Variants in ESRRG observed in about 807,000 individuals in gnomAD.
ESRRG encodes the protein estrogen related receptor gamma, also known as estrogen-related receptor gamma.
ESRRG carries 13 observed loss-of-function variants against 44.0 expected under a neutral mutation model. That is an observed-to-expected ratio of 0.30 (90% CI 0.19 to 0.47). ESRRG has a LOEUF of 0.47. Among genes scored for constraint, ESRRG ranks in the 20% least tolerant of loss-of-function variants. ESRRG has a pLI of 1.00. For missense variants in ESRRG, 395 were observed against 580.6 expected (o/e 0.68, Z 3.29); for synonymous variants, 215 against 214.6 (o/e 1.00, Z -0.02).
chr1:216,567,570 C>CAGTCAA (rs2059909340), intron 4 of ESRRG, among the ~76,000 whole-genome samples: 1 of 152,134 alleles, frequency 6.6e-6, no homozygotes, highest in Admixed American at 6.6e-5. Flanking sequence ...CAGTCAAATT[C>CAGTCAA]ATTTAGTTAG....
chr1:216,624,562 A>G (rs1331477932), intron 3 of ESRRG, among the ~76,000 whole-genome samples: 3 of 152,198 alleles, frequency 2.0e-5, no homozygotes, highest in Non-Finnish European at 4.4e-5. Flanking sequence ...CCTGCCTTCA[A>G]TACCACATGG....
chr1:216,779,350 A>C lies in ESRRG; in HGVS notation c.-13-101859T>G, dbSNP rs868683414. On this transcript the variant is annotated intron_variant, in intron 2 of 7. Transcript: ENST00000359162. Reference sequence around the variant, plus strand: ...ATATATATTTATATTTATAAACATAAAATATTTATATTTATTTATAAAAAT... The same window carrying C: ...ATATATATTTATATTTATAAACATACAATATTTATATTTATTTATAAAAAT... 4.1e-3 allele frequency among the ~76,000 whole-genome samples: 364 copies of C among 89,794 alleles called. 18 individuals carry two copies. The East Asian group carries it at 0.081, about 20-fold the overall frequency. 58.9% of individuals were successfully genotyped at this position (89,794 alleles called of 152,430 possible).
chr1:216,599,853 G>T (rs1266200926), intron 3 of ESRRG, among the ~76,000 whole-genome samples: 1 of 151,960 alleles, frequency 6.6e-6, no homozygotes, highest in East Asian at 1.9e-4. Context: ...GAAGAAAAAG[G>T]TACCCTATGC....
intron 1 of ESRRG, among the ~76,000 whole-genome samples, chr1:216,699,036 G>A (rs1056144700): frequency 6.6e-6 from 1 of 152,142 alleles, no homozygotes; most frequent in Non-Finnish European, 1.5e-5. Flanking sequence ...TGAGGGCTGC[G>A]TGCTGAGGCC....
chr1:216,995,518 T>A (rs2076263089), intron 1 of ESRRG, among the ~76,000 whole-genome samples: 1 of 152,232 alleles, frequency 6.6e-6, no homozygotes, highest in Admixed American at 6.5e-5. Flanking sequence ...ATGCTTCCAA[T>A]GGCTAGGCAT....
intron 2 of ESRRG, among the ~76,000 whole-genome samples, chr1:216,922,887 C>T (rs1257184975): frequency 1.3e-5 from 2 of 152,140 alleles, no homozygotes; most frequent in Admixed American, 1.3e-4. Context: ...ACACCCCAGT[C>T]TTCCCTAAGC....
chr1:216,547,545 C>T (rs1327909232), intron 5 of ESRRG, among the ~76,000 whole-genome samples: 2 of 152,080 alleles, frequency 1.3e-5, no homozygotes, highest in East Asian at 1.9e-4. Context: ...TGCACATACA[C>T]GTCTGCTGAC....
intron 1 of ESRRG, among the ~76,000 whole-genome samples, chr1:217,095,907 A>AT: frequency 6.6e-6 from 1 of 152,296 alleles, no homozygotes; most frequent in East Asian, 1.9e-4. Flanking sequence ...TTTAAAACAC[A>AT]TTTTTTTAAA....
rs572086598 is a variant in ESRRG, at chr1:216,699,663, A to T, written c.57-22172T>A. On this transcript the variant is annotated intron_variant, in intron 1 of 6. Coordinates refer to ENST00000408911, the MANE Select transcript of ESRRG (RefSeq NM_001438.4). ...CATTTTCACTTGTTACACTGAAAAA[A>T]AAAATGGAACGAGGGATGATTTCTG... Among the ~76,000 whole-genome samples, 9 of 152,340 alleles carry T rather than the reference A, an allele frequency of 5.9e-5. No homozygotes were observed. The South Asian group carries it at 1.9e-3, about 32-fold the overall frequency.
intron 2 of ESRRG, among the ~76,000 whole-genome samples, chr1:216,761,779 C>T (rs2092790121): frequency 1.3e-5 from 2 of 152,120 alleles, no homozygotes; most frequent in Admixed American, 1.3e-4. Flanking sequence ...TGATATGGCT[C>T]ATTTACAAGT....
At chr1:216,656,011 A>T (rs1391165856) in intron 2 of ESRRG, among the ~76,000 whole-genome samples, 1 of 152,206 alleles carries the variant, frequency 6.6e-6, no homozygotes, top group South Asian at 2.1e-4. Context: ...GTTCAAAGAC[A>T]TGACTCCCAG....
intron 2 of ESRRG, among the ~76,000 whole-genome samples, chr1:216,656,362 C>T (rs766848923): frequency 6.6e-6 from 1 of 152,272 alleles, no homozygotes; most frequent in East Asian, 1.9e-4. Flanking sequence ...TGGAAGCTCT[C>T]GGTTTTTAAA....
chr1:216,530,158 T>A (rs1398006450), intron 5 of ESRRG, among the ~76,000 whole-genome samples: 5 of 147,448 alleles, frequency 3.4e-5, no homozygotes, highest in Non-Finnish European at 7.4e-5. Context: ...GAATAGTAAC[T>A]GCCATGGTTG....
intron 3 of ESRRG, among the ~76,000 whole-genome samples, chr1:216,610,701 A>G (rs938439189): frequency 6.6e-6 from 1 of 152,124 alleles, no homozygotes; most frequent in Non-Finnish European, 1.5e-5. Context: ...GTATAAATAA[A>G]TATATATGTA....
chr1:216,735,942 C>T (rs1375797003), intron 2 of ESRRG, among the ~76,000 whole-genome samples: 2 of 147,448 alleles, frequency 1.4e-5, no homozygotes, highest in East Asian at 2.0e-4. Context: ...CACACCACTG[C>T]ACTCCAGCCT....
chr1:216,657,946 C>T (rs1031785920), intron 2 of ESRRG, among the ~76,000 whole-genome samples: 2 of 152,118 alleles, frequency 1.3e-5, no homozygotes, highest in African/African-American at 2.4e-5. Flanking sequence ...TACAGCATAG[C>T]GGTGCAAATT....
intron 2 of ESRRG, among the ~76,000 whole-genome samples, chr1:216,896,949 T>A (rs1253057199): frequency 1.3e-5 from 2 of 152,222 alleles, no homozygotes; most frequent in Non-Finnish European, 2.9e-5. Context: ...GTTAAAATGT[T>A]ACCTAGAGAC....
chr1:216,697,350 T>C (rs1472407177), intron 1 of ESRRG, among the ~76,000 whole-genome samples: 1 of 152,238 alleles, frequency 6.6e-6, no homozygotes, highest in Non-Finnish European at 1.5e-5. Context: ...TTACCTGGAA[T>C]ACTCACAAAA....
chr1:216,908,916 A>T (rs2059996853), intron 2 of ESRRG, among the ~76,000 whole-genome samples: 1 of 151,926 alleles, frequency 6.6e-6, no homozygotes, highest in Admixed American at 6.6e-5. Flanking sequence ...TTTCAATATT[A>T]AAACATATTT....
Sources: allele counts gnomAD v4.1 joint callset (sites outside exome capture counted in the v4.1 genomes callset), GRCh38; gene constraint gnomAD v4.1.1; transcripts MANE v1.5; gene names NCBI Gene and HGNC (gene_info 2026-07-23, HGNC 2026-07-21).